The following BLVRA variants were observed in gnomAD, a reference collection of about 807,000 sequenced individuals.
BLVRA encodes the protein BVR A.
In BLVRA, 22 loss-of-function variants were observed where a neutral mutation model predicts 32.8. The observed-to-expected ratio is 0.67, with a 90% CI of 0.48 to 0.96. The LOEUF (loss-of-function observed/expected upper bound fraction) is 0.96. Ranked by LOEUF, BLVRA falls within the 40% of genes least tolerant of loss-of-function variation. The pLI is 0.00. For synonymous variants in BLVRA, 119 were observed against 141.3 expected (o/e 0.84, Z 1.12); for missense variants, 323 against 358.1 (o/e 0.90, Z 0.79).
Position 43,792,727 on chromosome 7 carries a change from T to C in BLVRA, c.267T>C (p.Asn89=). The C allele has an allele frequency of 6.2e-7, 1 of 1,614,196 alleles. No individual in the cohort carries two copies. The highest frequency in any genetic ancestry group is 1.1e-5 in the South Asian group (1 of 91,076). Residue 89 remains asparagine (N), a synonymous_variant, in exon 5 of 8, where the codon AAT becomes AAC. Transcript: ENST00000265523. ...TCGTTTACCAAAGGCAGTTCCTTAA[T>C]GCTGGCAAGCACGTCCTTGTGGAAT... The part of the protein sequence containing the change: ...SHEDYIRQFL[N]AGKHVLVEYP...
intron 2 of BLVRA, among the ~76,000 whole-genome samples, chr7:43,774,384 A>G (rs2095758152): frequency 6.6e-6 from 1 of 152,212 alleles, no homozygotes; most frequent in South Asian, 2.1e-4. Context: ...AGCACCATTT[A>G]TTAAATAGGG....
chr7:43,793,328 A>G (rs2132582635), intron 5 of BLVRA, among the ~76,000 whole-genome samples: 1 of 151,990 alleles, frequency 6.6e-6, no homozygotes, highest in Non-Finnish European at 1.5e-5. Flanking sequence ...TATTTTCTCT[A>G]GATGCTGTAT....
rs763665309 is a variant in BLVRA, at chr7:43,807,003, G to A, written c.659G>A (p.Gly220Glu). Residue 220 changes from glycine to glutamate, a missense_variant, in exon 8 of 8, where the codon GGA becomes GAA. Coordinates refer to ENST00000265523, the MANE Select transcript of BLVRA (RefSeq NM_000712.4). ...CCACTGTCATGGATTGAAGAAAAAG[G>A]ACCTGGTCTAAAACGAAACAGATAT... ...KSPLSWIEEK[G>E]PGLKRNRYLS... The A allele has an allele frequency of 6.2e-7, 1 of 1,614,106 alleles. No homozygotes were observed. The highest frequency in any genetic ancestry group is 1.1e-5 in the South Asian group (1 of 91,066).
At chr7:43,802,386 A>T (rs533745127) in intron 6 of BLVRA, among the ~76,000 whole-genome samples, 37 of 152,340 alleles carry the variant, frequency 2.4e-4, no homozygotes, top group African/African-American at 8.4e-4. Flanking sequence ...ATGTAATGTA[A>T]CAGATATGAA....
At position 43,758,727 on chromosome 7, in the gene BLVRA, C is replaced by T. The variant is rs868565878; in HGVS notation, c.-29C>T. 6.6e-6 allele frequency: 1 copy of T among 152,214 alleles called. No individual in the cohort carries two copies. Among genetic ancestry groups the T allele is most frequent in the African/African-American group, 2.4e-5 (1 of 41,434 alleles). The allele number at this position is 152,214 out of a possible 1,614,324, so 9.4% of individuals were successfully genotyped here. ...CGGAGGCTGCACGGAGAGCGGTGCC[C>T]GCGTCAGGTGAGGCGCGCGCGGGGA... is the stretch of plus-strand genomic sequence containing the variant. On this transcript the variant is annotated 5_prime_UTR_variant, in exon 1 of 8. Transcript: ENST00000265523.
At chr7:43,791,505 G>GAGC in intron 4 of BLVRA, 137 bp downstream of exon 4, 1 of 918,000 alleles carries the variant, frequency 1.1e-6, no homozygotes, top group Non-Finnish European at 1.7e-6. Flanking sequence ...ACCAATCACA[G>GAGC]AAGTGTCAAA....
chr7:43,800,613 A>G, intron 6 of BLVRA, 41 bp downstream of exon 6: 1 of 1,546,578 alleles, frequency 6.5e-7, no homozygotes, highest in Non-Finnish European at 8.9e-7. Flanking sequence ...GTGAGGTCCA[A>G]AGACCAGCCA....
At chr7:43,783,757 C>T (rs974069886) in intron 2 of BLVRA, among the ~76,000 whole-genome samples, 3 of 152,152 alleles carry the variant, frequency 2.0e-5, no homozygotes, top group African/African-American at 7.2e-5. Context: ...CCTCCTGCAA[C>T]ATATGAACAT....
chr7:43,802,898 CG>C (rs973418592), intron 6 of BLVRA, among the ~76,000 whole-genome samples: 2 of 135,120 alleles, frequency 1.5e-5, no homozygotes, highest in Non-Finnish European at 3.1e-5. Flanking sequence ...TCACTATGCC[CG>C]GGTAATTTTT....
intron 1 of BLVRA, chr7:43,767,315 T>C (rs749140486): frequency 2.8e-6 from 4 of 1,412,682 alleles, no homozygotes; most frequent in Non-Finnish European, 4.0e-6. Context: ...AAAGTGGCGC[T>C]GAACGCACTG....
At chr7:43,803,578 C>T (rs893408323) in intron 6 of BLVRA, 98 bp from the exon 7 acceptor site, 1 of 1,373,262 alleles carries the variant, frequency 7.3e-7, no homozygotes, top group Non-Finnish European at 1.0e-6. Flanking sequence ...ATCACTCGGC[C>T]ACATCTTTTC....
At position 43,791,253 on chromosome 7, in the gene BLVRA, G is replaced by T. The variant is rs1563547052; in HGVS notation, c.139G>T (p.Glu47Ter). ...LNLIGFVSRR[E>*]LGSIDGVQQI... ...TTCTCTGTTACTCTGAAATAGAAGG[G>T]AGCTCGGGAGCATTGATGGAGTCCA... Residue 47 changes from glutamate to a stop codon, truncating the protein, a stop_gained, in exon 4 of 8, where the codon GAG becomes TAG. Coordinates refer to ENST00000265523, the MANE Select transcript of BLVRA (RefSeq NM_000712.4). LOFTEE classifies it high-confidence loss of function. 1.9e-6 allele frequency: 3 copies of T among 1,614,128 alleles called. No individual in the cohort carries two copies. The highest frequency in any genetic ancestry group is 1.1e-5 in the South Asian group (1 of 91,074).
intron 1 of BLVRA, among the ~76,000 whole-genome samples, chr7:43,762,036 T>C (rs1490522149): frequency 6.6e-6 from 1 of 152,010 alleles, no homozygotes; most frequent in Non-Finnish European, 1.5e-5. Context: ...CCTGAGAGGG[T>C]CACCCTCTCC....
chr7:43,797,050 A>G lies in BLVRA; in HGVS notation c.353-3415A>G, dbSNP rs556823083. ...GTCAGCAGCCATCAACATGGAAGCAAGACCTTCCTTCAGCAAAAAGATGGA... is the reference window on the plus strand; with the variant it reads ...GTCAGCAGCCATCAACATGGAAGCAGGACCTTCCTTCAGCAAAAAGATGGA... On this transcript the variant is annotated intron_variant, in intron 5 of 7. Coordinates refer to ENST00000265523, the MANE Select transcript of BLVRA (RefSeq NM_000712.4). Among the ~76,000 whole-genome samples the G allele has an allele frequency of 2.0e-5, 3 of 152,366 alleles. No individual in the cohort carries two copies. In the East Asian group the frequency reaches 5.8e-4, roughly 29 times the overall value.
At chr7:43,776,794 A>T (rs928398600) in intron 2 of BLVRA, among the ~76,000 whole-genome samples, 3 of 151,788 alleles carry the variant, frequency 2.0e-5, no homozygotes, top group Non-Finnish European at 4.4e-5. Context: ...TTTGTAGGTC[A>T]CTCAGGACTT....
rs17245890 is a variant in BLVRA at position 43,780,699 on chromosome 7, C to T, written c.13-7205C>T. Reference sequence around the variant, plus strand: ...ATTGCCTCTGTTGTGCTGTGCAAGGCCCCGCTCTCAGACTTATTTATATTT... The same window carrying T: ...ATTGCCTCTGTTGTGCTGTGCAAGGTCCCGCTCTCAGACTTATTTATATTT... On this transcript the variant is annotated intron_variant, in intron 2 of 7. Transcript: ENST00000265523. 2.7e-3 allele frequency among the ~76,000 whole-genome samples: 413 copies of T among 152,324 alleles called. 2 individuals are homozygous for T. The highest frequency in any genetic ancestry group is 3.7e-3 in the Non-Finnish European group (254 of 68,032).
intron 1 of BLVRA, among the ~76,000 whole-genome samples, chr7:43,765,150 G>A (rs2095746428): frequency 6.6e-6 from 1 of 152,204 alleles, no homozygotes. Flanking sequence ...TTCTGCAAAG[G>A]TGTTGACTTT....
intron 2 of BLVRA, among the ~76,000 whole-genome samples, chr7:43,783,857 A>G (rs1321465557): frequency 1.3e-5 from 2 of 152,112 alleles, no homozygotes; most frequent in African/African-American, 2.4e-5. Context: ...GTTCTGTCCA[A>G]CTGCCTGGAC....
chr7:43,763,398 G>T (rs2095744488), intron 1 of BLVRA, among the ~76,000 whole-genome samples: 1 of 152,182 alleles, frequency 6.6e-6, no homozygotes, highest in Non-Finnish European at 1.5e-5. Context: ...AACCCAGCTG[G>T]ATGCTAAGAG....
Sources: allele counts gnomAD v4.1 joint callset (sites outside exome capture counted in the v4.1 genomes callset), GRCh38; gene constraint gnomAD v4.1.1; transcripts MANE v1.5; gene names NCBI Gene and HGNC (gene_info 2026-07-23, HGNC 2026-07-21).